Variants in PCDHA1 observed in about 807,000 individuals in gnomAD.
The protein encoded by PCDHA1 is protocadherin alpha 1, also known as protocadherin alpha-1.
Under a neutral mutation model 61.3 loss-of-function variants are expected in PCDHA1, and 42 were observed. The observed-to-expected ratio is 0.69, with a 90% CI of 0.54 to 0.89. The LOEUF is 0.89. Ranked by LOEUF, PCDHA1 falls within the 40% of genes least tolerant of loss-of-function variation. The pLI is 0.00. For missense variants in PCDHA1, 1,256 were observed against 1,235.3 expected (o/e 1.02, Z -0.25); for synonymous variants, 610 against 553.8 (o/e 1.10, Z -1.43).
At chr5:140,829,701 C>G in intron 1 of PCDHA1, 1 of 1,613,356 alleles carries the variant, frequency 6.2e-7, no homozygotes, top group East Asian at 2.2e-5. Context: ...CAGGTGAGCG[C>G]GCGCGACGCG....
In PCDHA1 at chr5:140,904,302, A is replaced by C. The variant is rs553969479; in HGVS notation, c.2395-74647A>C. Among the ~76,000 whole-genome samples, 22 of 151,950 alleles carry C rather than the reference A, an allele frequency of 1.4e-4. No individual in the cohort carries two copies. In the East Asian group the frequency reaches 3.9e-3, roughly 27 times the overall value. On this transcript the variant is annotated intron_variant, in intron 1 of 3. Transcript: ENST00000504120. ...TGTGGTGTTTGGTTTTCCATTCCTG[A>C]GTTTCTTCACTTAGAATAATGGTCT...
intron 1 of PCDHA1, among the ~76,000 whole-genome samples, chr5:140,894,577 T>A (rs1409232453): frequency 4.6e-5 from 7 of 152,030 alleles, no homozygotes; most frequent in African/African-American, 9.6e-5. Flanking sequence ...TCCTTTTTTT[T>A]AATATTTTAC....
chr5:140,961,464 C>G (rs1364555316), intron 1 of PCDHA1, among the ~76,000 whole-genome samples: 1 of 152,126 alleles, frequency 6.6e-6, no homozygotes, highest in Non-Finnish European at 1.5e-5. Flanking sequence ...AGCTGCCTTT[C>G]TTTTTTTGTC....
At chr5:140,851,252 GTATTT>G (rs1434639310) in intron 1 of PCDHA1, 2 of 1,089,048 alleles carry the variant, frequency 1.8e-6, no homozygotes, top group Non-Finnish European at 2.3e-6. Context: ...ATGATGCATA[GTATTT>G]TAGTCTACTT....
At chr5:140,829,088 C>G in intron 1 of PCDHA1, 1 of 1,611,006 alleles carries the variant, frequency 6.2e-7, no homozygotes, top group Admixed American at 1.7e-5. Context: ...CATGGCGGGT[C>G]ATTGCACCGT....
At chr5:140,816,902 C>G (rs564991334) in intron 1 of PCDHA1, 1 of 152,062 alleles carries the variant, frequency 6.6e-6, no homozygotes, top group African/African-American at 2.4e-5. Flanking sequence ...TTCTGAGAAG[C>G]CCTCAGTTAT....
chr5:140,808,718 C>T (rs1288388505), intron 1 of PCDHA1: 1 of 1,612,082 alleles, frequency 6.2e-7, no homozygotes, highest in Non-Finnish European at 8.5e-7. Flanking sequence ...CGTTTCGGTG[C>T]ATGCGGAGAG....
intron 1 of PCDHA1, among the ~76,000 whole-genome samples, chr5:140,806,386 C>A (rs1404620412): frequency 6.6e-6 from 1 of 152,196 alleles, no homozygotes; most frequent in Non-Finnish European, 1.5e-5. Context: ...ACCAGCGTTT[C>A]TCATGGGAGC....
chr5:140,911,455 C>G (rs1266220741), intron 1 of PCDHA1, among the ~76,000 whole-genome samples: 3 of 152,132 alleles, frequency 2.0e-5, no homozygotes, highest in African/African-American at 7.2e-5. Flanking sequence ...AGCTCTTTCT[C>G]TACAGGAGAT....
In PCDHA1 at chr5:140,829,498, G is replaced by A. The variant is rs143385612; in HGVS notation, c.2394+40814G>A. On this transcript the variant is annotated intron_variant, in intron 1 of 3. Transcript: ENST00000504120. ...CAGTGTTCGTGAAGGAGAACAACCC[G>A]CCGGGCTGCCACATCTTCACGGTGT... is the stretch of plus-strand genomic sequence containing the variant. The A allele has an allele frequency of 5.0e-6, 8 of 1,613,570 alleles. No individual in the cohort carries two copies. In the African/African-American group the frequency reaches 6.7e-5, roughly 13 times the overall value.
At chr5:140,940,498 C>T (rs185491489) in intron 1 of PCDHA1, among the ~76,000 whole-genome samples, 7 of 151,984 alleles carry the variant, frequency 4.6e-5, no homozygotes, top group Non-Finnish European at 8.8e-5. Flanking sequence ...AGTCTTGCTC[C>T]GTCGCTCAGG....
intron 1 of PCDHA1, chr5:140,853,603 G>T (rs1358386755): frequency 1.0e-6 from 1 of 987,254 alleles, no homozygotes; most frequent in Non-Finnish European, 1.2e-6. Context: ...GAGAGCAAAG[G>T]GGGTGCTGTA....
rs1768129627 is a variant in PCDHA1, at chr5:140,824,465, T to C, written c.2394+35781T>C. 3 of 423,268 alleles carry C rather than the reference T, an allele frequency of 7.1e-6. No homozygotes were observed. In the South Asian group the frequency reaches 1.0e-4, roughly 14 times the overall value. The allele number at this position is 423,268 out of a possible 1,614,324, so 26.2% of individuals were successfully genotyped here. A position where few individuals can be genotyped will look rare whatever the true frequency, so the allele number is the denominator to read the frequency against. ...TATGACTACATGAAAATTTATTTTA[T>C]TTTATTGTTATTTTTTAGAGACCCT... On this transcript the variant is annotated intron_variant, in intron 1 of 3. Transcript: ENST00000504120.
chr5:140,797,541 C>T (rs1275136087), intron 1 of PCDHA1: 1 of 754,820 alleles, frequency 1.3e-6, no homozygotes, highest in Non-Finnish European at 2.1e-6. Context: ...ATCTACATAA[C>T]TGTTTTCTTA....
At chr5:140,807,021 G>A in intron 1 of PCDHA1, 1 of 820,396 alleles carries the variant, frequency 1.2e-6, no homozygotes, top group Non-Finnish European at 1.9e-6. Context: ...ATACATGAGA[G>A]AAGGAGGAAG....
intron 1 of PCDHA1, chr5:140,836,100 A>T (rs782621778): frequency 6.2e-7 from 1 of 1,613,700 alleles, no homozygotes; most frequent in Non-Finnish European, 8.5e-7. Flanking sequence ...GGTGGGTGGC[A>T]CTGGTGGCGC....
chr5:140,820,435 C>T (rs1296857587), intron 1 of PCDHA1, among the ~76,000 whole-genome samples: 2 of 151,930 alleles, frequency 1.3e-5, no homozygotes, highest in Non-Finnish European at 2.9e-5. Context: ...AATAGAATTG[C>T]TAATCTCTTG....
intron 1 of PCDHA1, among the ~76,000 whole-genome samples, chr5:140,951,227 G>A (rs181202222): frequency 1.3e-5 from 2 of 152,044 alleles, no homozygotes; most frequent in African/African-American, 2.4e-5. Flanking sequence ...ATTCTTGATG[G>A]TCTTTACCTT....
At chr5:140,850,907 T>A (rs2150501889) in intron 1 of PCDHA1, 1 of 1,548,270 alleles carries the variant, frequency 6.5e-7, no homozygotes, top group East Asian at 2.3e-5. Flanking sequence ...TTTCTAGCAT[T>A]TTATTTATTT....
Sources: gnomAD v4.1 joint callset for allele counts (sites outside exome capture counted in the v4.1 genomes callset) on GRCh38, gnomAD v4.1.1 for gene constraint, MANE v1.5 for transcripts, NCBI Gene and HGNC (gene_info 2026-07-23, HGNC 2026-07-21) for gene names.